Variants in ADRA1A observed in about 807,000 individuals in gnomAD.
ADRA1A encodes the protein alpha-1A adrenergic receptor.
Under a neutral mutation model 29.6 loss-of-function variants are expected in ADRA1A, and 31 were observed. The observed-to-expected ratio is 1.05, with a 90% CI of 0.79 to 1.41. The LOEUF is 1.41. ADRA1A is among the 40% of genes most tolerant of loss of function. The pLI, the probability that ADRA1A is intolerant of heterozygous loss-of-function variation, is 0.00. For missense variants in ADRA1A, 619 were observed against 601.1 expected (o/e 1.03, Z -0.31); for synonymous variants, 311 against 254.3 (o/e 1.22, Z -2.12).
intron 2 of ADRA1A, among the ~76,000 whole-genome samples, chr8:26,814,192 GAA>G (rs11354835): frequency 2.0e-3 from 298 of 147,266 alleles, no homozygotes; most frequent in Non-Finnish European, 3.1e-3. Flanking sequence ...CTCCTATGGT[GAA>G]AAAAAAAAAC....
chr8:26,782,166 G>T (rs1182550553), intron 2 of ADRA1A, among the ~76,000 whole-genome samples: 1 of 152,124 alleles, frequency 6.6e-6, no homozygotes, highest in East Asian at 1.9e-4. Context: ...CCCCTGCCTG[G>T]ATTAAGCTAG....
rs1482834879 is a variant in ADRA1A at position 26,769,287 on chromosome 8, A to G, written c.*862T>C. 2 of 985,326 alleles carry G rather than the reference A, an allele frequency of 2.0e-6. No individual in the cohort carries two copies. Among genetic ancestry groups the G allele is most frequent in the African/African-American group, 3.5e-5 (2 of 57,252 alleles). The allele number at this position is 985,326 out of a possible 1,614,324, so 61.0% of individuals were successfully genotyped here. On this transcript the variant is annotated 3_prime_UTR_variant, in exon 3 of 3. Transcript: ENST00000380573. ...GCCTCTATCTTTGCAAGAAATTAAC[A>G]GCCACACCAACCTCTTGCTCTTTAA...
At chr8:26,782,284 G>C (rs959988177) in intron 2 of ADRA1A, among the ~76,000 whole-genome samples, 13 of 152,296 alleles carry the variant, frequency 8.5e-5, no homozygotes, top group African/African-American at 2.9e-4. Context: ...ACCTCTATCA[G>C]TCATGGGTCC....
rs1051398371 is a variant in ADRA1A, at chr8:26,866,585, T to C, written c.-687+351A>G. On this transcript the variant is annotated intron_variant, in intron 1 of 2. Coordinates refer to ENST00000380573, the MANE Select transcript of ADRA1A (RefSeq NM_000680.4). This position sits in a 1 kb window ranked among gnomAD's most constrained non-coding sequence, Gnocchi z 5.7. Reference sequence around the variant, plus strand: ...GGCAGGACAGCGCGGCGTGAGGAAGTGCCCACCTTGCCTTCTGGGGTTGGG... The same window carrying C: ...GGCAGGACAGCGCGGCGTGAGGAAGCGCCCACCTTGCCTTCTGGGGTTGGG... 6.6e-6 allele frequency among the ~76,000 whole-genome samples: 1 copy of C among 152,106 alleles called. No homozygotes were observed. Among genetic ancestry groups the C allele is most frequent in the Admixed American group, 6.5e-5 (1 of 15,276 alleles).
intron 2 of ADRA1A, among the ~76,000 whole-genome samples, chr8:26,757,437 G>A (rs1445685248): frequency 2.0e-5 from 3 of 151,832 alleles, no homozygotes. Context: ...CCTGAAATTA[G>A]AACTAAGATT....
downstream of ADRA1A, chr8:26,765,960 C>CTTGTGAAAAAGAAA: frequency 6.4e-7 from 1 of 1,555,000 alleles, no homozygotes; most frequent in Admixed American, 1.8e-5. Flanking sequence ...CCAGTTTTCA[C>CTTGTGAAAAAGAAA]TTAGGAACAA....
At chr8:26,790,197 A>G (rs1446189734) in intron 2 of ADRA1A, among the ~76,000 whole-genome samples, 1 of 152,194 alleles carries the variant, frequency 6.6e-6, no homozygotes, top group East Asian at 1.9e-4. Context: ...CAATATATGG[A>G]ATCAACCTAA....
At chr8:26,833,416 T>C (rs1447923442) in intron 2 of ADRA1A, among the ~76,000 whole-genome samples, 1 of 152,220 alleles carries the variant, frequency 6.6e-6, no homozygotes, top group Non-Finnish European at 1.5e-5. Flanking sequence ...ACCTTGAATA[T>C]GGGTTCAAAC....
intron 2 of ADRA1A, among the ~76,000 whole-genome samples, chr8:26,760,060 T>C (rs1453251132): frequency 6.6e-6 from 1 of 152,196 alleles, no homozygotes; most frequent in Non-Finnish European, 1.5e-5. Flanking sequence ...CATGGTGTCT[T>C]GCCCAGAAAA....
At chr8:26,773,854 C>CTCTAG (rs1293542269) in intron 2 of ADRA1A, among the ~76,000 whole-genome samples, 1 of 152,192 alleles carries the variant, frequency 6.6e-6, no homozygotes, top group Non-Finnish European at 1.5e-5. Flanking sequence ...TGGGCCCTCT[C>CTCTAG]TCTAGTCTCT....
At chr8:26,849,859 G>A (rs1812482537) in intron 2 of ADRA1A, among the ~76,000 whole-genome samples, 1 of 152,086 alleles carries the variant, frequency 6.6e-6, no homozygotes, top group East Asian at 1.9e-4. Context: ...AACAAGTGTA[G>A]GGGGTGACGA....
intron 2 of ADRA1A, among the ~76,000 whole-genome samples, chr8:26,786,807 G>A (rs1349983960): frequency 1.3e-5 from 2 of 151,830 alleles, no homozygotes; most frequent in South Asian, 4.2e-4. Context: ...CATAGCTCAA[G>A]CAATTGTTCT....
At chr8:26,766,268 G>T (rs946711872), downstream of ADRA1A, 24 of 744,828 alleles carry the variant, frequency 3.2e-5, 1 homozygote, top group African/African-American at 3.8e-4. Context: ...AACTGTGGTT[G>T]GTCATCAATA....
intron 2 of ADRA1A, among the ~76,000 whole-genome samples, chr8:26,843,348 A>G (rs1042917871): frequency 1.3e-5 from 2 of 152,168 alleles, no homozygotes; most frequent in African/African-American, 4.8e-5. Context: ...CTTGTTAATA[A>G]TTTACTCCCT....
chr8:26,844,869 G>A (rs985948038), intron 2 of ADRA1A, among the ~76,000 whole-genome samples: 8 of 152,202 alleles, frequency 5.3e-5, no homozygotes, highest in Admixed American at 1.3e-4. Flanking sequence ...AGTGGAAGAA[G>A]AAGAGTTGTC....
intron 2 of ADRA1A, among the ~76,000 whole-genome samples, chr8:26,782,368 G>A (rs1420799694): frequency 6.6e-6 from 1 of 152,132 alleles, no homozygotes; most frequent in Non-Finnish European, 1.5e-5. Context: ...ATGTCTTTTT[G>A]GAAGCTATAA....
chr8:26,761,232 A>G (rs988286164), downstream of ADRA1A, among the ~76,000 whole-genome samples: 2 of 152,236 alleles, frequency 1.3e-5, no homozygotes, highest in African/African-American at 4.8e-5. Context: ...TCTACAGACA[A>G]TTGCTGTAAG....
intron 2 of ADRA1A, among the ~76,000 whole-genome samples, chr8:26,790,592 T>C (rs1807746175): frequency 6.6e-6 from 1 of 152,174 alleles, no homozygotes; most frequent in Non-Finnish European, 1.5e-5. Context: ...GTTGGATGGC[T>C]AGAACAGTTT....
chr8:26,845,379 T>C (rs540546053), intron 2 of ADRA1A, among the ~76,000 whole-genome samples: 6 of 152,270 alleles, frequency 3.9e-5, no homozygotes, highest in Non-Finnish European at 7.4e-5. Context: ...CAAAGCAACA[T>C]CACTAGAGAT....
Sources: gnomAD v4.1 joint callset for allele counts (sites outside exome capture counted in the v4.1 genomes callset) on GRCh38, gnomAD v4.1.1 for gene constraint, Gnocchi (gnomAD v3.1) non-coding constraint, MANE v1.5 for transcripts, NCBI Gene and HGNC (gene_info 2026-07-23, HGNC 2026-07-21) for gene names.